The following NKAIN2 variants were observed in gnomAD, a reference collection of about 807,000 sequenced individuals.
NKAIN2 encodes the protein sodium/potassium-transporting ATPase subunit beta-1-interacting protein 2.
In NKAIN2, 14 loss-of-function variants were observed where a neutral mutation model predicts 32.6. The ratio of observed to expected loss-of-function variants is 0.43; its 90% CI spans 0.28 to 0.67. NKAIN2 has a LOEUF of 0.67. Ranked by LOEUF, NKAIN2 falls within the 30% of genes least tolerant of loss-of-function variation. The pLI is 0.17. For missense variants in NKAIN2, 198 were observed against 258.3 expected, an observed-to-expected ratio of 0.77 and a Z score of 1.60; for synonymous variants, 80 against 87.2, an observed-to-expected ratio of 0.92 and a Z score of 0.46.
chr6:124,057,825 C>T (rs546635042), intron 1 of NKAIN2, among the ~76,000 whole-genome samples: 17 of 151,864 alleles, frequency 1.1e-4, no homozygotes, highest in Non-Finnish European at 2.2e-4. Flanking sequence ...CTAAAATCCT[C>T]AAAATGGTGG....
At chr6:124,687,149 T>G (rs1773935080) in intron 4 of NKAIN2, among the ~76,000 whole-genome samples, 1 of 148,712 alleles carries the variant, frequency 6.7e-6, no homozygotes, top group African/African-American at 2.5e-5. Flanking sequence ...TATATATATA[T>G]GGAATATAAA....
intron 1 of NKAIN2, among the ~76,000 whole-genome samples, chr6:124,134,122 A>AT (rs1227904964): frequency 1.0e-5 from 1 of 97,560 alleles, no homozygotes; most frequent in East Asian, 4.0e-4. Context: ...ACTAAAAGAA[A>AT]TTAAAAAAAA....
chr6:124,268,132 C>G (rs1464380618), intron 1 of NKAIN2, among the ~76,000 whole-genome samples: 1 of 152,046 alleles, frequency 6.6e-6, no homozygotes, highest in Non-Finnish European at 1.5e-5. Context: ...GTGTTTACAA[C>G]AAGCATCGTG....
At chr6:124,525,366 C>T (rs528558559) in intron 3 of NKAIN2, among the ~76,000 whole-genome samples, 6 of 151,784 alleles carry the variant, frequency 4.0e-5, no homozygotes, top group South Asian at 2.1e-4. Flanking sequence ...CTATTATTAA[C>T]GGTAGAAAAG....
chr6:124,378,983 T>G (rs1583156709), intron 3 of NKAIN2, among the ~76,000 whole-genome samples: 1 of 149,030 alleles, frequency 6.7e-6, no homozygotes, highest in East Asian at 2.0e-4. Flanking sequence ...TACCAGCTAC[T>G]TATGAGGCTG....
chr6:123,898,440 C>A (rs1427144518), intron 1 of NKAIN2, among the ~76,000 whole-genome samples: 1 of 152,032 alleles, frequency 6.6e-6, no homozygotes, highest in African/African-American at 2.4e-5. Flanking sequence ...AGCAGCAGAG[C>A]AAATTTCAGA....
At chr6:123,874,747 T>C (rs77090817) in intron 1 of NKAIN2, among the ~76,000 whole-genome samples, 12,251 of 152,124 alleles carry the variant, frequency 0.081, 1,529 homozygotes, top group African/African-American at 0.27. Flanking sequence ...CTTCTGATTA[T>C]AAAAATATGT....
At chr6:124,657,118 T>C (rs570368223) in intron 3 of NKAIN2, among the ~76,000 whole-genome samples, 1 of 152,206 alleles carries the variant, frequency 6.6e-6, no homozygotes, top group Non-Finnish European at 1.5e-5. Flanking sequence ...TTTCCATATG[T>C]TCAATGTGAG....
At chr6:124,614,443 C>T (rs1782807827) in intron 3 of NKAIN2, among the ~76,000 whole-genome samples, 1 of 152,156 alleles carries the variant, frequency 6.6e-6, no homozygotes, top group Non-Finnish European at 1.5e-5. Context: ...TCTATTTTTC[C>T]TTAGTCAACC....
rs1012931117 is a variant in NKAIN2 at position 123,972,956 on chromosome 6, A to C, written c.54+168702A>C. The stretch of plus-strand genomic sequence containing the variant: ...TCCATAAAATTAATATAATCAAATA[A>C]ACCAGAAAGTTAATACTATCAAAAT... On this transcript the variant is annotated intron_variant, in intron 1 of 6. Transcript: ENST00000368417. Among the ~76,000 whole-genome samples, 18 of 152,138 alleles carry C rather than the reference A, an allele frequency of 1.2e-4. 1 individual carries two copies. Among genetic ancestry groups the C allele is most frequent in the African/African-American group, 4.3e-4 (18 of 41,450 alleles).
intron 3 of NKAIN2, among the ~76,000 whole-genome samples, chr6:124,568,380 TA>T (rs1780999746): frequency 3.3e-5 from 5 of 152,208 alleles, no homozygotes; most frequent in Admixed American, 3.3e-4. Context: ...AGGCGTGATA[TA>T]GAGAACATGT....
intron 4 of NKAIN2, among the ~76,000 whole-genome samples, chr6:124,714,314 T>C (rs763722110): frequency 1.3e-5 from 2 of 152,242 alleles, no homozygotes; most frequent in African/African-American, 2.4e-5. Context: ...ATTTGATTGA[T>C]AAATCTATTT....
At chr6:124,069,467 A>T (rs528269988) in intron 1 of NKAIN2, among the ~76,000 whole-genome samples, 1 of 152,246 alleles carries the variant, frequency 6.6e-6, no homozygotes, top group South Asian at 2.1e-4. Context: ...CGCAAAATGA[A>T]CCTGGAGACC....
At chr6:124,780,541 G>T (rs1779215449) in intron 4 of NKAIN2, among the ~76,000 whole-genome samples, 2 of 152,200 alleles carry the variant, frequency 1.3e-5, no homozygotes, top group African/African-American at 4.8e-5. Context: ...TATAGTAGAG[G>T]AACTGCCAGA....
chr6:124,633,637 A>G (rs556507717), intron 3 of NKAIN2, among the ~76,000 whole-genome samples: 1 of 152,352 alleles, frequency 6.6e-6, no homozygotes, highest in South Asian at 2.1e-4. Flanking sequence ...ATAAAACTTT[A>G]TTAGCATCTC....
intron 3 of NKAIN2, among the ~76,000 whole-genome samples, chr6:124,562,389 T>G (rs1780728730): frequency 6.6e-6 from 1 of 152,198 alleles, no homozygotes; most frequent in Admixed American, 6.5e-5. Context: ...TGAAACTAAT[T>G]TTTTCCTGTG....
At chr6:124,818,305 G>A (rs866385448) in intron 5 of NKAIN2, 82 bp from the exon 6 acceptor site, 1 of 608,970 alleles carries the variant, frequency 1.6e-6, no homozygotes, top group Middle Eastern at 2.7e-4. Flanking sequence ...CTAATAAAAG[G>A]TTTATTAGTA....
At chr6:124,350,383 A>G (rs1042686474) in intron 2 of NKAIN2, among the ~76,000 whole-genome samples, 14 of 152,210 alleles carry the variant, frequency 9.2e-5, no homozygotes, top group Non-Finnish European at 1.8e-4. Context: ...AGGATATTTG[A>G]TATAGATAAG....
intron 3 of NKAIN2, among the ~76,000 whole-genome samples, chr6:124,625,655 A>C (rs1351994868): frequency 6.6e-6 from 1 of 152,102 alleles, no homozygotes; most frequent in African/African-American, 2.4e-5. Flanking sequence ...TTATGAAAGG[A>C]GGAGAGAAGT....
Sources: gnomAD v4.1 joint callset for allele counts (sites outside exome capture counted in the v4.1 genomes callset) on GRCh38, gnomAD v4.1.1 for gene constraint, MANE v1.5 for transcripts, NCBI Gene and HGNC (gene_info 2026-07-23, HGNC 2026-07-21) for gene names.